NR2C2: variants seen among roughly 807,000 people sequenced by gnomAD.
NR2C2 encodes Nuclear hormone receptor TR4.
In NR2C2, 6 loss-of-function variants were observed where a neutral mutation model predicts 62.9. The observed-to-expected ratio is 0.10, with a 90% CI of 0.05 to 0.19. NR2C2 has a LOEUF of 0.19. Ranked by LOEUF, NR2C2 falls within the 10% of genes least tolerant of loss-of-function variation. NR2C2 has a pLI of 1.00. For synonymous variants in NR2C2, 272 were observed against 273.8 expected (o/e 0.99, Z 0.07); for missense variants, 479 against 762.7 (o/e 0.63, Z 4.38).
chr3:15,016,098 G>C, intron 3 of NR2C2, 54 bp from the exon 4 acceptor site: 2 of 1,382,370 alleles, frequency 1.4e-6, no homozygotes, highest in Non-Finnish European at 2.1e-6. Flanking sequence ...CACCGTGCCC[G>C]GCAGTGATTT....
At chr3:14,989,354 T>C (rs1445919105) in intron 1 of NR2C2, among the ~76,000 whole-genome samples, 1 of 152,314 alleles carries the variant, frequency 6.6e-6, no homozygotes, top group Admixed American at 6.5e-5. Flanking sequence ...AACTCAATCT[T>C]GTATTCATGT....
At chr3:14,969,163 A>G (rs1181595775) in intron 1 of NR2C2, among the ~76,000 whole-genome samples, 3 of 152,116 alleles carry the variant, frequency 2.0e-5, no homozygotes, top group African/African-American at 7.2e-5. Context: ...AAGAAAAAAA[A>G]ATTTCCCTCT....
rs1034061329 is a variant in NR2C2, at chr3:15,046,699, C to T, written c.*3691C>T. ...TGGGGTCATAGGTAACATTTTAACTCTTTTCTTAGTCCAGGTCATAGGAAG... is the reference window on the plus strand; with the variant it reads ...TGGGGTCATAGGTAACATTTTAACTTTTTTCTTAGTCCAGGTCATAGGAAG... On this transcript the variant is annotated 3_prime_UTR_variant, in exon 14 of 14. Transcript: ENST00000425241. 6.6e-6 allele frequency: 1 copy of T among 152,504 alleles called. No homozygotes were observed. Among genetic ancestry groups the T allele is most frequent in the African/African-American group, 2.4e-5 (1 of 41,442 alleles). 9.4% of individuals were successfully genotyped at this position (152,504 alleles called of 1,614,324 possible). A position where few individuals can be genotyped will look rare whatever the true frequency, so the allele number is the denominator to read the frequency against.
chr3:14,989,335 TG>T (rs1248121138), intron 1 of NR2C2, among the ~76,000 whole-genome samples: 3 of 152,212 alleles, frequency 2.0e-5, no homozygotes, highest in Non-Finnish European at 4.4e-5. Context: ...GGGAGGCTTC[TG>T]AGTCCAGAAC....
At chr3:15,008,463 A>G (rs2041254680) in intron 2 of NR2C2, among the ~76,000 whole-genome samples, 1 of 152,030 alleles carries the variant, frequency 6.6e-6, no homozygotes, top group Admixed American at 6.5e-5. Flanking sequence ...TGGAGGTTGT[A>G]AAGAGCCAAC....
At chr3:15,027,761 C>A (rs1014398680) in intron 7 of NR2C2, among the ~76,000 whole-genome samples, 1 of 152,084 alleles carries the variant, frequency 6.6e-6, no homozygotes, top group Non-Finnish European at 1.5e-5. Flanking sequence ...CCACGCCTGG[C>A]TAATTTTTTT....
At chr3:14,960,232 T>G (rs1445530891) in intron 1 of NR2C2, among the ~76,000 whole-genome samples, 3 of 152,210 alleles carry the variant, frequency 2.0e-5, no homozygotes, top group African/African-American at 7.2e-5. Flanking sequence ...AAAAGACACC[T>G]TAAAGAAAGT....
At chr3:14,950,199 A>G (rs549988577) in intron 1 of NR2C2, among the ~76,000 whole-genome samples, 133 of 152,164 alleles carry the variant, frequency 8.7e-4, no homozygotes, top group Non-Finnish European at 1.7e-3. Flanking sequence ...CAAAAACAAT[A>G]GATTCGAACA....
rs1269716690 is a variant in NR2C2, at chr3:14,947,925, CGGGCGGGCTCGGGCCGGCGGCGGAGG to C, written c.-40+28_-40+53del. Reference sequence around the variant, plus strand: ...TCCTGAGGTAAAATTGAAAGAGGGTCGGGCGGGCTCGGGCCGGCGGCGGAGGGGGCGGGCCTGGCGCGCGGACATGG... The same window carrying C: ...TCCTGAGGTAAAATTGAAAGAGGGTCGGGCGGGCCTGGCGCGCGGACATGG... On this transcript the variant is annotated intron_variant, in intron 1 of 13. Transcript: ENST00000425241. The C allele has an allele frequency of 6.6e-5, 10 of 150,790 alleles. No homozygotes were observed. The highest frequency in any genetic ancestry group is 1.3e-4 in the Admixed American group (2 of 15,158). The allele number at this position is 150,790 out of a possible 1,614,324, so 9.3% of individuals were successfully genotyped here. A position where few individuals can be genotyped will look rare whatever the true frequency, so the allele number is the denominator to read the frequency against.
At position 15,007,717 on chromosome 3, in the gene NR2C2, G is replaced by A. The variant is rs149504215; in HGVS notation, c.72+3731G>A. Among the ~76,000 whole-genome samples, 670 of 152,264 alleles carry A rather than the reference G, an allele frequency of 4.4e-3. 1 individual carries two copies. Among genetic ancestry groups the A allele is most frequent in the African/African-American group, 0.015 (639 of 41,528 alleles). ...AAGTCTTGACTTTTTCCTCAGGAGC[G>A]ATTTGATAAGATGAAAGGGATAAGA... On this transcript the variant is annotated intron_variant, in intron 2 of 13. Transcript: ENST00000425241.
Position 15,024,366 on chromosome 3 carries a change from T to C in NR2C2, c.798+158T>C, listed in dbSNP as rs537094994. On this transcript the variant is annotated intron_variant, in intron 7 of 13. Transcript: ENST00000425241. ...TATTGTTGTGATAGCTATCTTGTGA[T>C]TTGTTTTAGAGATGCTGATGGCTTC... Among the ~76,000 whole-genome samples the C allele has an allele frequency of 2.1e-4, 32 of 152,362 alleles. 4 individuals are homozygous for C. Among genetic ancestry groups the C allele is most frequent in the South Asian group, 2.1e-3 (10 of 4,830 alleles).
chr3:14,976,485 C>T (rs1465492835), intron 1 of NR2C2, among the ~76,000 whole-genome samples: 1 of 152,110 alleles, frequency 6.6e-6, no homozygotes, highest in African/African-American at 2.4e-5. Context: ...CTAAAAGCCT[C>T]TGACCTCCTG....
intron 1 of NR2C2, among the ~76,000 whole-genome samples, chr3:15,002,880 A>C (rs2041057732): frequency 6.7e-6 from 1 of 149,698 alleles, no homozygotes; most frequent in African/African-American, 2.5e-5. Context: ...CTTGTCTCTA[A>C]CTCCTGACCT....
At chr3:15,011,719 A>G (rs2041358678) in intron 2 of NR2C2, among the ~76,000 whole-genome samples, 1 of 152,144 alleles carries the variant, frequency 6.6e-6, no homozygotes, top group African/African-American at 2.4e-5. Flanking sequence ...CTGAGTATTC[A>G]TTCTTGGATC....
chr3:14,998,514 A>G (rs2040894626), intron 1 of NR2C2, among the ~76,000 whole-genome samples: 1 of 152,172 alleles, frequency 6.6e-6, no homozygotes, highest in South Asian at 2.1e-4. Context: ...TCCCTAACTA[A>G]TGACCTTGGA....
intron 1 of NR2C2, among the ~76,000 whole-genome samples, chr3:14,979,828 A>G (rs1172603737): frequency 6.6e-6 from 1 of 152,018 alleles, no homozygotes; most frequent in Admixed American, 6.6e-5. Context: ...CATGGTCAAG[A>G]GTTTGTATTT....
intron 4 of NR2C2, among the ~76,000 whole-genome samples, chr3:15,019,264 G>A (rs1316539986): frequency 2.0e-5 from 3 of 151,846 alleles, no homozygotes; most frequent in Non-Finnish European, 4.4e-5. Flanking sequence ...TTAAAAAGAC[G>A]AAAAGAAGTG....
At chr3:14,990,901 C>T (rs932760244) in intron 1 of NR2C2, among the ~76,000 whole-genome samples, 1 of 152,160 alleles carries the variant, frequency 6.6e-6, no homozygotes, top group Admixed American at 6.5e-5. Context: ...CAAATCGTTT[C>T]TTAATAGGAA....
chr3:14,994,432 A>G (rs1322974354), intron 1 of NR2C2, among the ~76,000 whole-genome samples: 1 of 115,372 alleles, frequency 8.7e-6, no homozygotes, highest in African/African-American at 3.3e-5. Context: ...GTTGTTGTTT[A>G]TTCATTCTTT....
Sources: gnomAD v4.1 joint callset for allele counts (sites outside exome capture counted in the v4.1 genomes callset) on GRCh38, gnomAD v4.1.1 for gene constraint, MANE v1.5 for transcripts, NCBI Gene and HGNC (gene_info 2026-07-23, HGNC 2026-07-21) for gene names.